RYR3: variants seen among roughly 807,000 people sequenced by gnomAD.
RYR3 encodes ryanodine receptor 3.
A neutral mutation model predicts 584.3 loss-of-function variants in RYR3; 207 were observed. The ratio of observed to expected loss-of-function variants is 0.35; its 90% CI spans 0.32 to 0.40. The LOEUF is 0.40. Ranked by LOEUF, RYR3 falls within the 10% of genes least tolerant of loss-of-function variation. The pLI, the probability that RYR3 is intolerant of heterozygous loss-of-function variation, is 1.00. For synonymous variants in RYR3, 2,416 were observed against 2,248.5 expected (o/e 1.07, Z -2.11); for missense variants, 5,616 against 6,089.2 (o/e 0.92, Z 2.59).
intron 96 of RYR3, among the ~76,000 whole-genome samples, chr15:33,854,042 A>T (rs2079380079): frequency 6.6e-6 from 1 of 152,010 alleles, no homozygotes; most frequent in African/African-American, 2.4e-5. Flanking sequence ...TAATATTTTT[A>T]AAAAGTAGCT....
At position 33,785,902 on chromosome 15, in the gene RYR3, G is replaced by A. The variant is rs1342979932; in HGVS notation, c.9509G>A (p.Ser3170Asn). The change falls in exon 66 of 104, where the codon AGT (serine) becomes AAT (asparagine). Residue 3170 changes from serine to asparagine, a missense_variant. Around this residue, in one of 9 missense-constraint regions of RYR3, gnomAD observed 954 missense variants for 1,132.2 expected, o/e 0.84. Coordinates refer to ENST00000634891, the MANE Select transcript of RYR3 (RefSeq NM_001036.6). ...ACCAAGGTCACCTCTGAACACCTCA[G>A]TCTCATCCTGGGCAACATTCTGAAA... ...CCTKVTSEHLSLILGNILKII... is the reference protein window; with the variant it reads ...CCTKVTSEHLNLILGNILKII... 1.2e-6 allele frequency: 2 copies of A among 1,612,998 alleles called. No individual in the cohort carries two copies. The highest frequency in any genetic ancestry group is 1.3e-5 in the African/African-American group (1 of 74,854).
At chr15:33,640,908 G>A (rs1317118109) in intron 27 of RYR3, among the ~76,000 whole-genome samples, 4 of 152,034 alleles carry the variant, frequency 2.6e-5, no homozygotes, top group African/African-American at 9.7e-5. Context: ...CTCATTTGAG[G>A]CTATGGGTTC....
intron 18 of RYR3, 53 bp from the exon 19 acceptor site, chr15:33,613,130 C>T: frequency 2.1e-6 from 3 of 1,440,472 alleles, no homozygotes; most frequent in Non-Finnish European, 2.9e-6. Context: ...CTTTCTCAGC[C>T]TAGCAGGTGC....
At chr15:33,555,614 A>G (rs2057016098) in intron 10 of RYR3, among the ~76,000 whole-genome samples, 1 of 152,200 alleles carries the variant, frequency 6.6e-6, no homozygotes, top group Non-Finnish European at 1.5e-5. Context: ...TGTAAAAAAT[A>G]GAGATTTAAA....
At chr15:33,630,481 C>T (rs143898553) in intron 22 of RYR3, among the ~76,000 whole-genome samples, 1 of 152,322 alleles carries the variant, frequency 6.6e-6, no homozygotes, top group Admixed American at 6.5e-5. Context: ...TGTTATCTCC[C>T]ATTTTGAATT....
chr15:33,678,957 C>G (rs907233980), intron 38 of RYR3, among the ~76,000 whole-genome samples: 2 of 152,302 alleles, frequency 1.3e-5, no homozygotes, highest in African/African-American at 4.8e-5. Flanking sequence ...ACAACCTGGG[C>G]CAGAGAGGCC....
chr15:33,729,175 G>T (rs2068724506), intron 47 of RYR3, 149 bp downstream of exon 47: 3 of 727,526 alleles, frequency 4.1e-6, no homozygotes, highest in Non-Finnish European at 6.6e-6. Context: ...TCATGAAATG[G>T]AAGATCTTAA....
chr15:33,354,398 A>G (rs1170794531), intron 1 of RYR3, among the ~76,000 whole-genome samples: 1 of 152,202 alleles, frequency 6.6e-6, no homozygotes, highest in East Asian at 1.9e-4. Flanking sequence ...CAAACTGCAC[A>G]CACAAGTGCA....
At chr15:33,811,111 A>G in intron 72 of RYR3, 74 bp downstream of exon 72, 1 of 1,229,288 alleles carries the variant, frequency 8.1e-7, no homozygotes, top group Admixed American at 2.0e-5. Context: ...TTTTCACTTC[A>G]TTTACTCATG....
At chr15:33,441,893 C>T (rs1348484807) in intron 1 of RYR3, among the ~76,000 whole-genome samples, 1 of 152,146 alleles carries the variant, frequency 6.6e-6, no homozygotes, top group Non-Finnish European at 1.5e-5. Context: ...AAAGAGAAGA[C>T]ACAGGATAAG....
chr15:33,838,621 T>A lies in RYR3; in HGVS notation c.12641T>A (p.Val4214Glu). The part of the protein sequence containing the change: ...GGIFQILWST[V>E]FGGGLVEGAK... Reference sequence around the variant, plus strand: ...ATCTTTCAGATCCTCTGGAGCACAGTGTTTGGAGGGGGCCTGGTAGAAGGG... The same window carrying A: ...ATCTTTCAGATCCTCTGGAGCACAGAGTTTGGAGGGGGCCTGGTAGAAGGG... The change falls in exon 89 of 104, where the codon GTG (valine) becomes GAG (glutamate). Residue 4214 changes from valine to glutamate, a missense_variant. Around this residue, in one of 9 missense-constraint regions of RYR3, gnomAD observed 918 missense variants for 887.4 expected, o/e 1.03. Coordinates refer to ENST00000634891, the MANE Select transcript of RYR3 (RefSeq NM_001036.6). The A allele has an allele frequency of 6.2e-7, 1 of 1,613,736 alleles. No homozygotes were observed. The highest frequency in any genetic ancestry group is 8.5e-7 in the Non-Finnish European group (1 of 1,179,802).
intron 14 of RYR3, among the ~76,000 whole-genome samples, chr15:33,583,298 G>A (rs1200841232): frequency 6.6e-6 from 1 of 152,172 alleles, no homozygotes; most frequent in Admixed American, 6.5e-5. Context: ...ATCCATTAGT[G>A]TATAGCCAAC....
chr15:33,486,077 G>C (rs1301365158), intron 2 of RYR3, among the ~76,000 whole-genome samples: 1 of 152,202 alleles, frequency 6.6e-6, no homozygotes, highest in African/African-American at 2.4e-5. Flanking sequence ...ATGAGAGGGT[G>C]TGACTGACTT....
At chr15:33,857,520 A>T (rs1161784668) in intron 98 of RYR3, among the ~76,000 whole-genome samples, 1 of 151,970 alleles carries the variant, frequency 6.6e-6, no homozygotes, top group African/African-American at 2.4e-5. Flanking sequence ...TCAGCATATG[A>T]ATTTGAAGGG....
chr15:33,660,132 A>C, intron 33 of RYR3, 65 bp from the exon 34 acceptor site: 1 of 1,138,524 alleles, frequency 8.8e-7, no homozygotes. Flanking sequence ...TATCGGTTAA[A>C]ATGTCTGGGT....
At chr15:33,407,081 G>A (rs1468892848) in intron 1 of RYR3, among the ~76,000 whole-genome samples, 1 of 152,202 alleles carries the variant, frequency 6.6e-6, no homozygotes, top group African/African-American at 2.4e-5. Flanking sequence ...GAGGAACACT[G>A]TGTCTACACG....
intron 12 of RYR3, among the ~76,000 whole-genome samples, chr15:33,578,560 G>A (rs958562159): frequency 6.6e-6 from 1 of 151,942 alleles, no homozygotes; most frequent in East Asian, 1.9e-4. Context: ...TGAACAATGA[G>A]AACACATGGA....
At chr15:33,656,675 G>A (rs1202249891) in intron 32 of RYR3, among the ~76,000 whole-genome samples, 3 of 152,178 alleles carry the variant, frequency 2.0e-5, no homozygotes, top group African/African-American at 7.2e-5. Flanking sequence ...GCTTATTCAA[G>A]GTATTGGCAG....
chr15:33,706,460 T>C (rs1231441903), intron 42 of RYR3, among the ~76,000 whole-genome samples: 1 of 152,200 alleles, frequency 6.6e-6, no homozygotes, highest in Non-Finnish European at 1.5e-5. Context: ...ACTACTCAAA[T>C]TACCTCCTAT....
Sources: allele counts gnomAD v4.1 joint callset (sites outside exome capture counted in the v4.1 genomes callset), GRCh38; gene constraint gnomAD v4.1.1; regional missense constraint gnomAD v4.1.1; transcripts MANE v1.5; gene names NCBI Gene and HGNC (gene_info 2026-07-23, HGNC 2026-07-21).